The following GC variants were observed in gnomAD, a reference collection of about 807,000 sequenced individuals.
GC encodes the protein GC vitamin D binding protein, also known as vitamin D-binding protein.
In GC, 43 loss-of-function variants were observed where a neutral mutation model predicts 56.7. The ratio of observed to expected loss-of-function variants is 0.76; its 90% CI spans 0.59 to 0.98. The LOEUF is 0.98. Among genes scored for constraint, GC ranks in the 50% least tolerant of loss-of-function variants. The pLI is 0.00. For synonymous variants in GC, 216 were observed against 202.7 expected (o/e 1.07, Z -0.56); for missense variants, 529 against 545.9 (o/e 0.97, Z 0.31).
chr4:71,770,507 T>A (rs1742308995), intron 1 of GC, among the ~76,000 whole-genome samples: 1 of 151,934 alleles, frequency 6.6e-6, no homozygotes, highest in Non-Finnish European at 1.5e-5. Context: ...AAACGGCAGC[T>A]TTACACATCT....
chr4:71,742,099 A>C (rs1325860045), intron 12 of GC, among the ~76,000 whole-genome samples: 1 of 152,202 alleles, frequency 6.6e-6, no homozygotes, highest in African/African-American at 2.4e-5. Flanking sequence ...TATATGCCAT[A>C]CACCAGGGTA....
chr4:71,743,308 A>C (rs1560686418), intron 12 of GC, among the ~76,000 whole-genome samples: 2 of 152,204 alleles, frequency 1.3e-5, no homozygotes, highest in Non-Finnish European at 2.9e-5. Context: ...AAGTTGGCTT[A>C]ATGGTTTTAG....
chr4:71,775,841 A>G (rs1420396119), intron 1 of GC, among the ~76,000 whole-genome samples: 1 of 152,042 alleles, frequency 6.6e-6, no homozygotes, highest in Admixed American at 6.6e-5. Context: ...AACATTAGCA[A>G]AGAACCCAAA....
chr4:71,768,626 C>T (rs4694431), intron 2 of GC, among the ~76,000 whole-genome samples, 193 bp from the exon 3 acceptor site: 11,160 of 152,078 alleles, frequency 0.073, 537 homozygotes, highest in East Asian at 0.24. Flanking sequence ...CCAATACGCC[C>T]GGCTAATTTT....
chr4:71,752,303 TAA>T, intron 11 of GC, among the ~76,000 whole-genome samples: 1 of 152,324 alleles, frequency 6.6e-6, no homozygotes, highest in Non-Finnish European at 1.5e-5. Context: ...TAAAATTTCC[TAA>T]GTTTTACAAC....
chr4:71,784,768 A>G (rs1742791919), upstream of GC, among the ~76,000 whole-genome samples: 1 of 151,696 alleles, frequency 6.6e-6, no homozygotes, highest in Admixed American at 6.6e-5. Flanking sequence ...TTAGTGGCAA[A>G]TCTTGGACTC....
intron 1 of GC, among the ~76,000 whole-genome samples, chr4:71,798,877 TA>T (rs1743178517): frequency 1.3e-5 from 2 of 152,234 alleles, no homozygotes. Context: ...TAGCCACTTT[TA>T]GGCAAGTCTC....
intron 1 of GC, among the ~76,000 whole-genome samples, chr4:71,772,012 C>T (rs1742359200): frequency 6.6e-6 from 1 of 152,028 alleles, no homozygotes; most frequent in Non-Finnish European, 1.5e-5. Context: ...TATTTTATAA[C>T]TGAAATGAAA....
chr4:71,752,868 C>T (rs913726325), intron 10 of GC, among the ~76,000 whole-genome samples: 8 of 152,016 alleles, frequency 5.3e-5, no homozygotes, highest in African/African-American at 1.7e-4. Flanking sequence ...ACATACAAAT[C>T]GCTGCTGAAT....
chr4:71,754,540 T>G (rs767234420), intron 9 of GC, 32 bp from the exon 10 acceptor site: 14 of 1,144,872 alleles, frequency 1.2e-5, no homozygotes, highest in Non-Finnish European at 1.8e-5. Flanking sequence ...ATAACAAAAT[T>G]ATTTGTCTTG....
chr4:71,746,326 T>C (rs1180612318), intron 11 of GC, 121 bp from the exon 12 acceptor site: 6 of 559,256 alleles, frequency 1.1e-5, no homozygotes, highest in South Asian at 2.7e-5. Context: ...CTTGCCAAGA[T>C]GCAATGTTAC....
chr4:71,742,985 G>A (rs1440726856), intron 12 of GC, among the ~76,000 whole-genome samples: 1 of 152,052 alleles, frequency 6.6e-6, no homozygotes, highest in Admixed American at 6.6e-5. Context: ...GTGTGGGCAG[G>A]GTGGGGGGTA....
At chr4:71,790,970 A>G (rs1742956409) in intron 1 of GC, among the ~76,000 whole-genome samples, 2 of 152,012 alleles carry the variant, frequency 1.3e-5, no homozygotes, top group South Asian at 4.1e-4. Context: ...CCCATTAAAA[A>G]CTGGGTGAAG....
intron 1 of GC, among the ~76,000 whole-genome samples, chr4:71,780,051 T>C (rs1258500164): frequency 6.6e-6 from 1 of 151,926 alleles, no homozygotes; most frequent in South Asian, 2.1e-4. Context: ...TTATTTCCTG[T>C]TGGCATGATT....
upstream of GC, among the ~76,000 whole-genome samples, chr4:71,786,371 C>T (rs1371896577): frequency 6.6e-6 from 1 of 151,736 alleles, no homozygotes; most frequent in Middle Eastern, 3.2e-3. Flanking sequence ...ACAATGATTA[C>T]TCTAGTAAGT....
chr4:71,768,814 T>A (rs973746585), intron 2 of GC, among the ~76,000 whole-genome samples: 4 of 152,222 alleles, frequency 2.6e-5, no homozygotes, highest in African/African-American at 9.6e-5. Flanking sequence ...ATGAAACCTG[T>A]TCAATGTTTA....
intron 1 of GC, among the ~76,000 whole-genome samples, chr4:71,779,228 G>T (rs975336854): frequency 1.3e-5 from 2 of 151,820 alleles, no homozygotes; most frequent in Admixed American, 6.6e-5. Flanking sequence ...ATTTCACAAG[G>T]CTTGCATTCT....
At chr4:71,752,777 A>G in intron 10 of GC, 127 bp from the exon 11 acceptor site, 1 of 806,274 alleles carries the variant, frequency 1.2e-6, no homozygotes, top group Non-Finnish European at 2.0e-6. Flanking sequence ...GCCTGTCTCA[A>G]GAAAATTCTA....
At chr4:71,744,588 A>T (rs1445870873) in intron 12 of GC, among the ~76,000 whole-genome samples, 1 of 152,190 alleles carries the variant, frequency 6.6e-6, no homozygotes, top group African/African-American at 2.4e-5. Flanking sequence ...AGTTTTCCCA[A>T]AGCCTAAAAA....
Sources: gnomAD v4.1 joint callset for allele counts (sites outside exome capture counted in the v4.1 genomes callset) on GRCh38, gnomAD v4.1.1 for gene constraint, MANE v1.5 for transcripts, NCBI Gene and HGNC (gene_info 2026-07-23, HGNC 2026-07-21) for gene names.